PCSK5: variants seen among roughly 807,000 people sequenced by gnomAD.
PCSK5 encodes the protein prohormone convertase 5.
A neutral mutation model predicts 233.2 loss-of-function variants in PCSK5; 129 were observed. The observed-to-expected ratio is 0.55, with a 90% CI of 0.48 to 0.64. The LOEUF is 0.64. PCSK5 is among the 30% of genes least tolerant of loss of function. PCSK5 has a pLI of 0.00. For missense variants in PCSK5, 2,076 were observed against 2,430.1 expected, an observed-to-expected ratio of 0.85 and a Z score of 3.06; for synonymous variants, 825 against 879.2, an observed-to-expected ratio of 0.94 and a Z score of 1.09.
At chr9:76,355,061 C>T (rs780284605) in intron 37 of PCSK5, among the ~76,000 whole-genome samples, 6 of 152,150 alleles carry the variant, frequency 3.9e-5, no homozygotes, top group Non-Finnish European at 8.8e-5. Context: ...AGAAGTAAAA[C>T]CCCCTTTACC....
chr9:76,326,625 A>G (rs1369625539), intron 32 of PCSK5, among the ~76,000 whole-genome samples: 2 of 152,142 alleles, frequency 1.3e-5, no homozygotes, highest in East Asian at 3.9e-4. Flanking sequence ...CCTGATTTAG[A>G]TAAAATGAGA....
chr9:76,237,090 A>G (rs1181014126), intron 22 of PCSK5, among the ~76,000 whole-genome samples: 1 of 152,012 alleles, frequency 6.6e-6, no homozygotes, highest in Non-Finnish European at 1.5e-5. Flanking sequence ...TGAAAAAAAG[A>G]TTTTTTTCTG....
intron 2 of PCSK5, among the ~76,000 whole-genome samples, chr9:75,984,587 G>A (rs1826422077): frequency 6.6e-6 from 1 of 152,186 alleles, no homozygotes; most frequent in South Asian, 2.1e-4. Context: ...ATCATAAATA[G>A]TCTAAGTAAT....
At chr9:76,020,317 A>G (rs1012121200) in intron 3 of PCSK5, among the ~76,000 whole-genome samples, 1 of 152,182 alleles carries the variant, frequency 6.6e-6, no homozygotes, top group Non-Finnish European at 1.5e-5. Flanking sequence ...TGACATCAGT[A>G]TTTCCCATAG....
chr9:76,218,762 A>C (rs1825628497), intron 20 of PCSK5, among the ~76,000 whole-genome samples: 1 of 149,548 alleles, frequency 6.7e-6, no homozygotes, highest in African/African-American at 2.4e-5. Context: ...AGGGACCCAA[A>C]AATGTAACCC....
chr9:75,939,020 A>G (rs892764177), intron 2 of PCSK5, among the ~76,000 whole-genome samples: 5 of 152,214 alleles, frequency 3.3e-5, no homozygotes, highest in East Asian at 3.8e-4. Flanking sequence ...TTTACTTACT[A>G]TAGTAAATTG....
chr9:76,186,565 C>G (rs999413849), intron 17 of PCSK5, among the ~76,000 whole-genome samples: 13 of 152,134 alleles, frequency 8.5e-5, no homozygotes, highest in Non-Finnish European at 1.6e-4. Context: ...CCTCGCAGTA[C>G]CTGTATTTTG....
At chr9:76,116,685 T>C (rs1301651489) in intron 9 of PCSK5, among the ~76,000 whole-genome samples, 1 of 152,132 alleles carries the variant, frequency 6.6e-6, no homozygotes, top group Non-Finnish European at 1.5e-5. Flanking sequence ...TCTCATTTTA[T>C]CCTCAAAGCA....
chr9:75,973,885 G>T (rs1279820132), intron 2 of PCSK5, among the ~76,000 whole-genome samples: 1 of 152,136 alleles, frequency 6.6e-6, no homozygotes, highest in Non-Finnish European at 1.5e-5. Context: ...AGAGAGAACT[G>T]GTGATAGGTA....
At chr9:75,983,412 T>C (rs1826364441) in intron 2 of PCSK5, among the ~76,000 whole-genome samples, 1 of 152,188 alleles carries the variant, frequency 6.6e-6, no homozygotes, top group Admixed American at 6.5e-5. Context: ...TGTCAATTAA[T>C]GTGTTTTGGA....
Position 76,358,497 on chromosome 9 carries a change from G to C in PCSK5, c.5255-16G>C, listed in dbSNP as rs1162929751. 32 of 1,594,088 alleles carry C rather than the reference G, an allele frequency of 2.0e-5. No individual in the cohort carries two copies. Among genetic ancestry groups the C allele is most frequent in the Non-Finnish European group, 2.7e-5 (31 of 1,165,522 alleles). ...TTTTCCCTCTTGCCTCTTCCTTTGA[G>C]GTCTTCTTCCAACAGACGAATGCAT... is the stretch of plus-strand genomic sequence containing the variant. On this transcript the variant is annotated splice_polypyrimidine_tract_variant and intron_variant, in intron 37 of 37. Transcript: ENST00000674117.
chr9:76,020,264 G>A (rs567047119), intron 3 of PCSK5, among the ~76,000 whole-genome samples: 3 of 152,278 alleles, frequency 2.0e-5, no homozygotes, highest in African/African-American at 7.2e-5. Flanking sequence ...TCAACTAGGC[G>A]GTTAAGGAAA....
At chr9:75,950,011 A>G (rs934406777) in intron 2 of PCSK5, among the ~76,000 whole-genome samples, 7 of 152,102 alleles carry the variant, frequency 4.6e-5, no homozygotes, top group Admixed American at 3.9e-4. Flanking sequence ...GTCTCTCCAC[A>G]CCATAGTGGT....
intron 5 of PCSK5, among the ~76,000 whole-genome samples, chr9:76,040,371 C>CTGTCTG (rs1563988577): frequency 1.6e-5 from 1 of 62,342 alleles, no homozygotes; most frequent in African/African-American, 7.5e-5. Flanking sequence ...CTCTCTCTCT[C>CTGTCTG]TCTCTCTCTC....
chr9:75,998,272 C>T (rs993841425), intron 3 of PCSK5, among the ~76,000 whole-genome samples: 4 of 152,068 alleles, frequency 2.6e-5, no homozygotes, highest in Non-Finnish European at 5.9e-5. Flanking sequence ...GTTTTAAGTG[C>T]TAATTCTGAC....
At chr9:76,011,345 C>T (rs1244968463) in intron 3 of PCSK5, among the ~76,000 whole-genome samples, 5 of 152,178 alleles carry the variant, frequency 3.3e-5, no homozygotes, top group Non-Finnish European at 7.3e-5. Flanking sequence ...TATTATTGGC[C>T]TGTCCAAGCA....
At chr9:76,130,929 T>C (rs1822740259) in intron 9 of PCSK5, among the ~76,000 whole-genome samples, 1 of 152,166 alleles carries the variant, frequency 6.6e-6, no homozygotes, top group Non-Finnish European at 1.5e-5. Flanking sequence ...GATCTCTCAA[T>C]AGTTGCTTGC....
intron 3 of PCSK5, among the ~76,000 whole-genome samples, chr9:76,023,532 G>A (rs1314926290): frequency 1.3e-5 from 2 of 151,956 alleles, no homozygotes; most frequent in Non-Finnish European, 2.9e-5. Context: ...GGGCATGGTG[G>A]TGTGCCTTTG....
intron 8 of PCSK5, among the ~76,000 whole-genome samples, chr9:76,101,670 G>C (rs1269379269): frequency 6.6e-6 from 1 of 152,166 alleles, no homozygotes. Flanking sequence ...CCAGAGTTGG[G>C]AGAATATATG....
Sources: allele counts gnomAD v4.1 joint callset (sites outside exome capture counted in the v4.1 genomes callset), GRCh38; gene constraint gnomAD v4.1.1; transcripts MANE v1.5; gene names NCBI Gene and HGNC (gene_info 2026-07-23, HGNC 2026-07-21).